NIBAN2: variants seen among roughly 807,000 people sequenced by gnomAD.
The protein encoded by NIBAN2 is protein Niban 2.
In NIBAN2, 36 loss-of-function variants were observed where a neutral mutation model predicts 81.8. That is an observed-to-expected ratio of 0.44 (90% CI 0.34 to 0.58). The LOEUF is 0.58. NIBAN2 is among the 20% of genes least tolerant of loss of function. The pLI is 0.02. For synonymous variants in NIBAN2, 445 were observed against 441.6 expected, an observed-to-expected ratio of 1.01 and a Z score of -0.10; for missense variants, 897 against 1,014.1, an observed-to-expected ratio of 0.88 and a Z score of 1.57.
chr9:127,540,648 G>A (rs1837361032), intron 1 of NIBAN2, among the ~76,000 whole-genome samples: 1 of 152,208 alleles, frequency 6.6e-6, no homozygotes, highest in African/African-American at 2.4e-5. Flanking sequence ...GGTAGGATCT[G>A]CACCCTGGTC....
intron 9 of NIBAN2, 106 bp downstream of exon 9, chr9:127,510,040 C>A: frequency 2.8e-6 from 3 of 1,075,480 alleles, no homozygotes; most frequent in Non-Finnish European, 4.0e-6. Context: ...TCTACAGGGA[C>A]GGCCTTGGAG....
chr9:127,509,754 A>C (rs1836691378), intron 9 of NIBAN2: 2 of 129,252 alleles, frequency 1.5e-5, no homozygotes, highest in Admixed American at 7.6e-5. Context: ...ACTCCACCTG[A>C]AGCCCGCCCT....
At chr9:127,523,572 G>A (rs1837001582) in intron 5 of NIBAN2, 107 bp downstream of exon 5, 2 of 1,111,710 alleles carry the variant, frequency 1.8e-6, no homozygotes, top group East Asian at 2.5e-5. Flanking sequence ...AGAACAGCCT[G>A]TAGAGCAGGG....
intron 1 of NIBAN2, among the ~76,000 whole-genome samples, chr9:127,542,720 A>AGTTTT (rs764943163): frequency 2.6e-5 from 4 of 151,964 alleles, no homozygotes; most frequent in African/African-American, 4.8e-5. Context: ...CCCTGAGGCC[A>AGTTTT]GTTTTGTTTT....
intron 4 of NIBAN2, 40 bp downstream of exon 4, chr9:127,525,018 C>CT: frequency 6.6e-7 from 1 of 1,510,478 alleles, no homozygotes; most frequent in Non-Finnish European, 9.2e-7. Flanking sequence ...CTCCAGATGC[C>CT]TGTGCAGGGC....
intron 1 of NIBAN2, among the ~76,000 whole-genome samples, chr9:127,533,183 A>G (rs1311124135): frequency 1.3e-5 from 2 of 151,846 alleles, no homozygotes; most frequent in East Asian, 3.9e-4. Context: ...AAGGCTGGGC[A>G]CGGTGGCTTA....
At chr9:127,530,335 A>G (rs1429255140) in intron 2 of NIBAN2, among the ~76,000 whole-genome samples, 2 of 152,194 alleles carry the variant, frequency 1.3e-5, no homozygotes, top group Non-Finnish European at 2.9e-5. Flanking sequence ...TTGCAGTCAC[A>G]GCAGAAAGGG....
chr9:127,552,566 G>A (rs1188107336), intron 1 of NIBAN2, among the ~76,000 whole-genome samples: 3 of 151,842 alleles, frequency 2.0e-5, no homozygotes, highest in Admixed American at 2.0e-4. Flanking sequence ...AACAGAGCAA[G>A]ATGCCATCTC....
rs1395505940 is a variant in NIBAN2 at position 127,563,883 on chromosome 9, C to A, written c.55+4937G>T. On this transcript the variant is annotated intron_variant, in intron 1 of 13. Transcript: ENST00000373312. The surrounding 1 kb of genome is among the most constrained non-coding windows in gnomAD (Gnocchi z 4.1). The stretch of plus-strand genomic sequence containing the variant: ...TTTTGCTCAATAAATAATTAAGACA[C>A]CCTTCTTCTCATATCTGGTTGTCAA... Among the ~76,000 whole-genome samples, 5 of 152,166 alleles carry A rather than the reference C, an allele frequency of 3.3e-5. No individual in the cohort carries two copies. The highest frequency in any genetic ancestry group is 1.2e-4 in the African/African-American group (5 of 41,432).
rs568725321 is a variant in NIBAN2 at position 127,527,008 on chromosome 9, C to T, written c.315+186G>A. 5.9e-5 allele frequency among the ~76,000 whole-genome samples: 9 copies of T among 152,180 alleles called. No individual in the cohort carries two copies. The East Asian group carries it at 1.4e-3, about 23-fold the overall frequency. ...TCCCCAGAGATGAAGAATGAGCTGC[C>T]GTCCAGAGAGGGCACCCAGGGCAGC... On this transcript the variant is annotated intron_variant, in intron 3 of 13. Coordinates refer to ENST00000373312, the MANE Select transcript of NIBAN2 (RefSeq NM_022833.4).
intron 4 of NIBAN2, 43 bp from the exon 5 acceptor site, chr9:127,523,889 C>T: frequency 6.3e-7 from 1 of 1,581,674 alleles, no homozygotes; most frequent in Non-Finnish European, 8.7e-7. Flanking sequence ...TCTGTGGTTG[C>T]CCTCCACCAG....
At chr9:127,565,946 T>TCACACACACACACACACA (rs10682812) in intron 1 of NIBAN2, among the ~76,000 whole-genome samples, 3 of 130,558 alleles carry the variant, frequency 2.3e-5, no homozygotes, top group African/African-American at 9.7e-5. Flanking sequence ...TCTCTCTCTC[T>TCACACACACACACACACA]CACACACACA....
chr9:127,517,774 C>A lies in NIBAN2; in HGVS notation c.705+52G>T, dbSNP rs1588156221. 1.4e-6 allele frequency: 2 copies of A among 1,420,130 alleles called. No individual in the cohort carries two copies. The allele number at this position is 1,420,130 out of a possible 1,614,324, so 88.0% of individuals were successfully genotyped here. A position where few individuals can be genotyped will look rare whatever the true frequency, so the allele number is the denominator to read the frequency against. ...GTACCCCACCCCCTGCCCTCCCCTG[C>A]TGGGTCCTTGGGTGACTTCTGAGGT... is the stretch of plus-strand genomic sequence containing the variant. On this transcript the variant is annotated intron_variant, in intron 6 of 13. Coordinates refer to ENST00000373312, the MANE Select transcript of NIBAN2 (RefSeq NM_022833.4). This position sits in a 1 kb window ranked among gnomAD's most constrained non-coding sequence, Gnocchi z 4.0.
At chr9:127,548,075 C>G (rs1419314593) in intron 1 of NIBAN2, among the ~76,000 whole-genome samples, 1 of 152,170 alleles carries the variant, frequency 6.6e-6, no homozygotes, top group African/African-American at 2.4e-5. Context: ...TGGCAGTTCT[C>G]TGTCCCATGT....
chr9:127,557,491 G>A (rs1019292678), intron 1 of NIBAN2, among the ~76,000 whole-genome samples: 32 of 152,130 alleles, frequency 2.1e-4, no homozygotes, highest in African/African-American at 7.5e-4. Flanking sequence ...GGAGGGCGGG[G>A]GCTCAGCCCC....
intron 1 of NIBAN2, among the ~76,000 whole-genome samples, chr9:127,544,614 C>G (rs1003743687): frequency 3.3e-5 from 5 of 152,142 alleles, no homozygotes; most frequent in Non-Finnish European, 5.9e-5. Flanking sequence ...AACAATTCTC[C>G]TGCCTCAGCC....
At chr9:127,552,697 T>G (rs941479793) in intron 1 of NIBAN2, among the ~76,000 whole-genome samples, 1 of 142,912 alleles carries the variant, frequency 7.0e-6, no homozygotes, top group African/African-American at 2.6e-5. Flanking sequence ...TTTTTTTTTT[T>G]TTTTTTTTTG....
rs545516156 is a variant in NIBAN2, at chr9:127,525,939, C to T, written c.316-776G>A. On this transcript the variant is annotated intron_variant, in intron 3 of 13. Coordinates refer to ENST00000373312, the MANE Select transcript of NIBAN2 (RefSeq NM_022833.4). ...AGAAACTTACACCAGTAGCAGGGGGCAAAGCAGTTCTGATGGAATAGCTCA... is the reference window on the plus strand; with the variant it reads ...AGAAACTTACACCAGTAGCAGGGGGTAAAGCAGTTCTGATGGAATAGCTCA... 2.0e-5 allele frequency among the ~76,000 whole-genome samples: 3 copies of T among 152,228 alleles called. No individual in the cohort carries two copies. In the South Asian group the frequency reaches 6.2e-4, roughly 32 times the overall value.
chr9:127,534,951 G>A (rs1383154394), intron 1 of NIBAN2, among the ~76,000 whole-genome samples: 7 of 152,178 alleles, frequency 4.6e-5, no homozygotes, highest in African/African-American at 7.2e-5. Flanking sequence ...TTAAACCCGT[G>A]CTACGGCAGG....
Sources: gnomAD v4.1 joint callset for allele counts (sites outside exome capture counted in the v4.1 genomes callset) on GRCh38, gnomAD v4.1.1 for gene constraint, Gnocchi (gnomAD v3.1) non-coding constraint, MANE v1.5 for transcripts, NCBI Gene and HGNC (gene_info 2026-07-23, HGNC 2026-07-21) for gene names.